Variants in ATP8A2 observed in about 807,000 individuals in gnomAD.
ATP8A2 encodes phospholipid-transporting ATPase IB.
Under a neutral mutation model 165.6 loss-of-function variants are expected in ATP8A2, and 100 were observed. The ratio of observed to expected loss-of-function variants is 0.60; its 90% CI spans 0.51 to 0.71. The LOEUF is 0.71. Ranked by LOEUF, ATP8A2 falls within the 30% of genes least tolerant of loss-of-function variation. The probability of loss-of-function intolerance (pLI) is 0.00; values close to 1 mark genes in which losing one functional copy is unlikely to be tolerated. For synonymous variants in ATP8A2, 543 were observed against 548.8 expected (o/e 0.99, Z 0.15); for missense variants, 1,227 against 1,479.5 (o/e 0.83, Z 2.80).
At chr13:25,720,036 C>T (rs2043340218) in intron 25 of ATP8A2, among the ~76,000 whole-genome samples, 1 of 152,108 alleles carries the variant, frequency 6.6e-6, no homozygotes, top group Non-Finnish European at 1.5e-5. Flanking sequence ...AGGCACAGCT[C>T]AGAGGCTATT....
chr13:26,016,455 G>T (rs1264776481), intron 36 of ATP8A2, among the ~76,000 whole-genome samples: 1 of 152,196 alleles, frequency 6.6e-6, no homozygotes, highest in Non-Finnish European at 1.5e-5. Context: ...GCACACAGAA[G>T]AAGTGACAGA....
At chr13:25,616,209 T>A (rs996468556) in intron 24 of ATP8A2, among the ~76,000 whole-genome samples, 2 of 152,122 alleles carry the variant, frequency 1.3e-5, no homozygotes, top group African/African-American at 4.8e-5. Flanking sequence ...AAGGTACATC[T>A]ACCAAACCCA....
intron 24 of ATP8A2, among the ~76,000 whole-genome samples, chr13:25,649,931 C>G (rs1483207508): frequency 1.3e-5 from 2 of 152,176 alleles, no homozygotes; most frequent in East Asian, 3.9e-4. Flanking sequence ...TCTGTACACT[C>G]ATTGCTTTGT....
chr13:25,869,023 C>T (rs1403965327), intron 33 of ATP8A2, among the ~76,000 whole-genome samples: 3 of 138,006 alleles, frequency 2.2e-5, no homozygotes, highest in Admixed American at 8.1e-5. Context: ...GAGCCGAGAT[C>T]GCGCCACTGC....
At chr13:25,697,578 G>A (rs2042860812) in intron 24 of ATP8A2, among the ~76,000 whole-genome samples, 1 of 152,238 alleles carries the variant, frequency 6.6e-6, no homozygotes, top group Admixed American at 6.5e-5. Context: ...ACTGCACCTG[G>A]CCCAGATAGG....
rs2040017850 is a variant in ATP8A2 at position 25,589,685 on chromosome 13, GA to G, written c.2198del (p.Glu733GlyfsTer30). ...GAATATGGCCCTTATCCTATTGAAG[GA>G]GGACTCTTTGGATGTAAGTAGTTTT... The part of the protein sequence containing the change: ...SQNMALILLK[E>X]DSLDATRAAI... On this transcript the variant is annotated frameshift_variant, in exon 24 of 37. Transcript: ENST00000381655. LOFTEE classifies it high-confidence loss of function. The G allele has an allele frequency of 6.2e-7, 1 of 1,609,132 alleles. No individual in the cohort carries two copies. The highest frequency in any genetic ancestry group is 1.7e-5 in the Admixed American group (1 of 59,858).
chr13:25,636,693 T>A (rs1425492585), intron 24 of ATP8A2, among the ~76,000 whole-genome samples: 1 of 152,154 alleles, frequency 6.6e-6, no homozygotes, highest in Non-Finnish European at 1.5e-5. Context: ...TCACTCCTGT[T>A]CTGAATTTTG....
At chr13:25,441,018 T>C (rs1195447282) in intron 1 of ATP8A2, among the ~76,000 whole-genome samples, 1 of 152,200 alleles carries the variant, frequency 6.6e-6, no homozygotes, top group Non-Finnish European at 1.5e-5. Context: ...GGTCTTGGAA[T>C]AGGTTCTCTG....
chr13:25,899,728 G>T (rs1953677100), intron 33 of ATP8A2, among the ~76,000 whole-genome samples: 1 of 152,142 alleles, frequency 6.6e-6, no homozygotes, highest in Non-Finnish European at 1.5e-5. Flanking sequence ...AGAGCAGAGG[G>T]GTGCACGGTA....
At chr13:25,512,499 T>C (rs1273523421) in intron 2 of ATP8A2, among the ~76,000 whole-genome samples, 19 of 133,844 alleles carry the variant, frequency 1.4e-4, no homozygotes, top group Middle Eastern at 4.5e-3. Context: ...GGCGGCTGGC[T>C]GGGCGGGGGG....
chr13:25,811,902 C>A (rs773070910), intron 27 of ATP8A2, among the ~76,000 whole-genome samples: 1 of 152,112 alleles, frequency 6.6e-6, no homozygotes, highest in Non-Finnish European at 1.5e-5. Context: ...GTCTTCATAT[C>A]TCTGAATATG....
intron 2 of ATP8A2, among the ~76,000 whole-genome samples, chr13:25,512,565 C>T: frequency 6.7e-6 from 1 of 150,170 alleles, no homozygotes; most frequent in South Asian, 2.1e-4. Flanking sequence ...AGGGGCTCCT[C>T]ACTTCCCAGT....
chr13:25,664,499 T>G (rs181409858), intron 24 of ATP8A2, among the ~76,000 whole-genome samples: 8 of 152,256 alleles, frequency 5.3e-5, no homozygotes, highest in African/African-American at 1.9e-4. Context: ...GGTAGAAGTC[T>G]GAGATAGACT....
At chr13:25,376,583 G>A (rs1449250204) in intron 1 of ATP8A2, among the ~76,000 whole-genome samples, 4 of 152,218 alleles carry the variant, frequency 2.6e-5, no homozygotes, top group Admixed American at 2.0e-4. Context: ...GCACTTCATG[G>A]GTGGTTGGTA....
In ATP8A2 at chr13:25,870,242, A is replaced by G. The variant is rs114321071; in HGVS notation, c.3183+7834A>G. ...TTCCTCTGCTGATGTGTTTCTCTCA[A>G]CGTCCAGCCACCTCTGTGTCTGCTG... On this transcript the variant is annotated intron_variant, in intron 33 of 36. Transcript: ENST00000381655. Among the ~76,000 whole-genome samples, 312 of 152,148 alleles carry G rather than the reference A, an allele frequency of 2.1e-3. 1 individual carries two copies. The highest frequency in any genetic ancestry group is 7.3e-3 in the African/African-American group (302 of 41,508).
At chr13:25,479,209 C>G (rs2036085614) in intron 2 of ATP8A2, among the ~76,000 whole-genome samples, 1 of 152,192 alleles carries the variant, frequency 6.6e-6, no homozygotes, top group Admixed American at 6.5e-5. Context: ...CATGTGCTAT[C>G]ATTGTTAGTT....
chr13:25,533,345 T>A (rs369124359), intron 6 of ATP8A2, 32 bp downstream of exon 6: 1 of 1,300,646 alleles, frequency 7.7e-7, no homozygotes, highest in Non-Finnish European at 1.1e-6. Flanking sequence ...GTACCAGTAC[T>A]ATTGGTTTGA....
chr13:25,476,062 T>A (rs912505268), intron 2 of ATP8A2, among the ~76,000 whole-genome samples: 3 of 152,188 alleles, frequency 2.0e-5, no homozygotes, highest in Non-Finnish European at 2.9e-5. Flanking sequence ...ATTTTTGTCT[T>A]AAGGAGTAAA....
intron 26 of ATP8A2, among the ~76,000 whole-genome samples, chr13:25,773,257 A>G (rs981509235): frequency 2.0e-5 from 3 of 152,168 alleles, no homozygotes; most frequent in Admixed American, 6.5e-5. Flanking sequence ...GGGAACTAAG[A>G]GGGAACTCAA....
Sources: allele counts gnomAD v4.1 joint callset (sites outside exome capture counted in the v4.1 genomes callset), GRCh38; gene constraint gnomAD v4.1.1; transcripts MANE v1.5; gene names NCBI Gene and HGNC (gene_info 2026-07-23, HGNC 2026-07-21).